ZNF385D: variants seen among roughly 807,000 people sequenced by gnomAD.
ZNF385D encodes zinc finger protein 385D.
In ZNF385D, 15 loss-of-function variants were observed where a neutral mutation model predicts 35.8. That is an observed-to-expected ratio of 0.42 (90% CI 0.28 to 0.64). The LOEUF (loss-of-function observed/expected upper bound fraction) is 0.64, where lower values mean the gene tolerates loss of function less well. Among genes scored for constraint, ZNF385D ranks in the 30% least tolerant of loss-of-function variants. ZNF385D has a pLI of 0.23. For synonymous variants in ZNF385D, 212 were observed against 186.8 expected, an observed-to-expected ratio of 1.13 and a Z score of -1.10; for missense variants, 474 against 494.6, an observed-to-expected ratio of 0.96 and a Z score of 0.39.
At chr3:21,969,239 G>A (rs1703093589) in intron 3 of ZNF385D, among the ~76,000 whole-genome samples, 2 of 152,072 alleles carry the variant, frequency 1.3e-5, no homozygotes, top group Admixed American at 6.6e-5. Flanking sequence ...TTTAGGCTTT[G>A]TGCCCCCACT....
Position 22,087,043 on chromosome 3 carries a change from T to C in ZNF385D, c.325+81774A>G, listed in dbSNP as rs1171830600. Among the ~76,000 whole-genome samples, 3 of 152,012 alleles carry C rather than the reference T, an allele frequency of 2.0e-5. No individual in the cohort carries two copies. The East Asian group carries it at 5.8e-4, about 29-fold the overall frequency. On this transcript the variant is annotated intron_variant, in intron 3 of 5. Coordinates refer to the ZNF385D transcript ENST00000494108. ...CACACGCATACATATGTAACAAACC[T>C]GCACGCACATGTACCCTAGAACTTA...
At chr3:21,623,329 G>A (rs1200103644) in intron 2 of ZNF385D, among the ~76,000 whole-genome samples, 3 of 152,014 alleles carry the variant, frequency 2.0e-5, no homozygotes, top group Admixed American at 2.0e-4. Context: ...ATTAATAACC[G>A]ATCTCAGGGA....
chr3:21,535,235 G>C (rs1486784025), intron 3 of ZNF385D, among the ~76,000 whole-genome samples: 1 of 152,140 alleles, frequency 6.6e-6, no homozygotes, highest in Non-Finnish European at 1.5e-5. Flanking sequence ...ATCAATTAAA[G>C]TTGATAAAGC....
At chr3:21,952,747 T>C (rs1166753774) in intron 3 of ZNF385D, among the ~76,000 whole-genome samples, 1 of 152,020 alleles carries the variant, frequency 6.6e-6, no homozygotes, top group Non-Finnish European at 1.5e-5. Context: ...AATCTTTTTA[T>C]ACAATAGTAT....
intron 2 of ZNF385D, among the ~76,000 whole-genome samples, chr3:22,306,793 C>G (rs1466165433): frequency 6.6e-6 from 1 of 152,050 alleles, no homozygotes; most frequent in African/African-American, 2.4e-5. Flanking sequence ...GCTAGGCTTA[C>G]TGGATTTGTA....
At chr3:21,948,419 G>C (rs1187119371) in intron 3 of ZNF385D, among the ~76,000 whole-genome samples, 2 of 151,984 alleles carry the variant, frequency 1.3e-5, no homozygotes, top group African/African-American at 4.8e-5. Flanking sequence ...CACAGATACT[G>C]ATTTTCTGCT....
At chr3:21,875,129 G>T (rs1207266620) in intron 3 of ZNF385D, among the ~76,000 whole-genome samples, 2 of 152,054 alleles carry the variant, frequency 1.3e-5, no homozygotes, top group East Asian at 1.9e-4. Flanking sequence ...TTACTTATTA[G>T]TTCTAACAGT....
Position 22,089,330 on chromosome 3 carries a change from C to T in ZNF385D, c.325+79487G>A, listed in dbSNP as rs113576784. On this transcript the variant is annotated intron_variant, in intron 3 of 5. Coordinates refer to the ZNF385D transcript ENST00000494108. ...TGTGAGAGCCATAAATTAATTGACT[C>T]TCTAGTCCAAATATACACTTCATTA... Among the ~76,000 whole-genome samples the T allele has an allele frequency of 2.1e-3, 321 of 152,262 alleles. 2 individuals are homozygous for T. Among genetic ancestry groups the T allele is most frequent in the Non-Finnish European group, 2.4e-3 (166 of 68,012 alleles).
chr3:22,117,193 A>G (rs958889826), intron 3 of ZNF385D, among the ~76,000 whole-genome samples: 2 of 152,008 alleles, frequency 1.3e-5, no homozygotes, highest in African/African-American at 2.4e-5. Flanking sequence ...GCTTATGTAA[A>G]TATTTTAAAT....
intron 3 of ZNF385D, among the ~76,000 whole-genome samples, chr3:21,527,962 A>T (rs925903496): frequency 1.3e-5 from 2 of 152,156 alleles, no homozygotes; most frequent in African/African-American, 2.4e-5. Flanking sequence ...TAAACTTCAT[A>T]CTTTTCCTCC....
intron 2 of ZNF385D, among the ~76,000 whole-genome samples, chr3:22,308,942 T>G (rs1575089209): frequency 6.6e-6 from 1 of 152,212 alleles, no homozygotes; most frequent in Admixed American, 6.6e-5. Flanking sequence ...TTTAGGAATT[T>G]TTTTCTAACT....
chr3:22,151,180 G>T (rs2125719620), intron 3 of ZNF385D, among the ~76,000 whole-genome samples: 1 of 152,254 alleles, frequency 6.6e-6, no homozygotes, highest in African/African-American at 2.4e-5. Flanking sequence ...TCATGGGGCA[G>T]GGGCACCCCT....
At chr3:21,828,846 C>T (rs1575734012) in intron 3 of ZNF385D, among the ~76,000 whole-genome samples, 2 of 152,314 alleles carry the variant, frequency 1.3e-5, no homozygotes, top group Non-Finnish European at 2.9e-5. Flanking sequence ...TTTACAGCAT[C>T]TATAGACCAC....
intron 2 of ZNF385D, among the ~76,000 whole-genome samples, chr3:21,634,744 C>G (rs2065378992): frequency 6.6e-6 from 1 of 150,810 alleles, no homozygotes; most frequent in Non-Finnish European, 1.5e-5. Context: ...TCCAGCTATT[C>G]AAATTAAATG....
chr3:22,252,182 G>T (rs1333390336), intron 2 of ZNF385D, among the ~76,000 whole-genome samples: 1 of 151,986 alleles, frequency 6.6e-6, no homozygotes, highest in Admixed American at 6.6e-5. Context: ...GAATTTCAAA[G>T]AATTGATTTA....
At chr3:21,477,163 TGAG>T (rs1396782434) in intron 4 of ZNF385D, among the ~76,000 whole-genome samples, 1 of 152,148 alleles carries the variant, frequency 6.6e-6, no homozygotes, top group Non-Finnish European at 1.5e-5. Context: ...GTGGATCACT[TGAG>T]TTCAGGAGTT....
chr3:22,047,172 T>G (rs180754682), intron 3 of ZNF385D, among the ~76,000 whole-genome samples: 1 of 152,152 alleles, frequency 6.6e-6, no homozygotes, highest in African/African-American at 2.4e-5. Context: ...CTGAAATGTA[T>G]ACATTGTAGA....
At chr3:22,156,194 C>T (rs571865661) in intron 3 of ZNF385D, among the ~76,000 whole-genome samples, 1 of 152,036 alleles carries the variant, frequency 6.6e-6, no homozygotes, top group Non-Finnish European at 1.5e-5. Flanking sequence ...AAAATTACCA[C>T]CATATGAAGA....
chr3:21,804,595 C>T lies in ZNF385D; in HGVS notation c.326-139567G>A, dbSNP rs577640997. On this transcript the variant is annotated intron_variant, in intron 3 of 5. Coordinates refer to the ZNF385D transcript ENST00000494108. Reference sequence around the variant, plus strand: ...AGAGTGTGCAGAAAGTACATTTATGCAAGAAAACAAGGGTTTGAATCCTTC... The same window carrying T: ...AGAGTGTGCAGAAAGTACATTTATGTAAGAAAACAAGGGTTTGAATCCTTC... Among the ~76,000 whole-genome samples the T allele has an allele frequency of 4.7e-4, 71 of 152,258 alleles. 1 individual carries two copies. Among genetic ancestry groups the T allele is most frequent in the Admixed American group, 3.9e-3 (59 of 15,300 alleles).
Sources: allele counts gnomAD v4.1 joint callset (sites outside exome capture counted in the v4.1 genomes callset), GRCh38; gene constraint gnomAD v4.1.1; transcripts MANE v1.5; gene names NCBI Gene and HGNC (gene_info 2026-07-23, HGNC 2026-07-21).